The following SNTB1 variants were observed in gnomAD, a reference collection of about 807,000 sequenced individuals.
SNTB1 encodes syntrophin beta 1, also known as beta-1-syntrophin.
SNTB1 carries 36 observed loss-of-function variants against 48.9 expected under a neutral mutation model. The ratio of observed to expected loss-of-function variants is 0.74; its 90% CI spans 0.56 to 0.97. The LOEUF is 0.97. SNTB1 is among the 50% of genes least tolerant of loss of function. The pLI is 0.00. For synonymous variants in SNTB1, 299 were observed against 294.6 expected (o/e 1.01, Z -0.15); for missense variants, 786 against 703.4 (o/e 1.12, Z -1.33).
At chr8:120,811,153 C>T in intron 1 of SNTB1, 120 bp downstream of exon 1, 24 of 1,343,084 alleles carry the variant, frequency 1.8e-5, no homozygotes, top group Non-Finnish European at 2.3e-5. Context: ...AACACACACA[C>T]ACCCGGCCCC....
rs1353032844 is a variant in SNTB1 at position 120,636,886 on chromosome 8, T to C, written c.789-4235A>G. 1.2e-5 allele frequency: 3 copies of C among 245,820 alleles called. No individual in the cohort carries two copies. The East Asian group carries it at 3.1e-4, about 25-fold the overall frequency. 15.2% of individuals were successfully genotyped at this position (245,820 alleles called of 1,614,324 possible). A position where few individuals can be genotyped will look rare whatever the true frequency, so the allele number is the denominator to read the frequency against. On this transcript the variant is annotated intron_variant, in intron 2 of 6. Transcript: ENST00000517992. ...AGTGTAAAAGTAGAACTCAAGGCTT[T>C]TATAGAGACCCGAATTTCTGGTGAG...
chr8:120,683,739 G>C (rs1817978847), intron 2 of SNTB1, among the ~76,000 whole-genome samples: 1 of 152,140 alleles, frequency 6.6e-6, no homozygotes, highest in Non-Finnish European at 1.5e-5. Flanking sequence ...AATAATCTCT[G>C]CTTGACAGCT....
chr8:120,788,987 T>G (rs1483234386), intron 1 of SNTB1, among the ~76,000 whole-genome samples: 5 of 152,046 alleles, frequency 3.3e-5, no homozygotes, highest in Admixed American at 2.0e-4. Context: ...GACTATATGA[T>G]AGGCCACAAA....
intron 2 of SNTB1, among the ~76,000 whole-genome samples, chr8:120,691,264 A>G (rs565671174): frequency 2.8e-4 from 42 of 152,222 alleles, no homozygotes; most frequent in Non-Finnish European, 4.9e-4. Flanking sequence ...TGCTCCTACA[A>G]TGTCTCAGTA....
At chr8:120,749,676 G>T (rs1350018016) in intron 1 of SNTB1, among the ~76,000 whole-genome samples, 2 of 152,098 alleles carry the variant, frequency 1.3e-5, no homozygotes, top group Non-Finnish European at 2.9e-5. Flanking sequence ...AACTGAAACA[G>T]ACTCAGGGGA....
At chr8:120,649,805 T>C (rs1161604884) in intron 2 of SNTB1, among the ~76,000 whole-genome samples, 7 of 152,148 alleles carry the variant, frequency 4.6e-5, no homozygotes, top group Admixed American at 2.0e-4. Flanking sequence ...ACTGCTGTGC[T>C]AGCAATCAGC....
chr8:120,604,120 G>T (rs1392585382), intron 3 of SNTB1, among the ~76,000 whole-genome samples: 1 of 152,186 alleles, frequency 6.6e-6, no homozygotes, highest in Non-Finnish European at 1.5e-5. Context: ...GTAAGTTGAG[G>T]ATGCCAAGGT....
intron 3 of SNTB1, among the ~76,000 whole-genome samples, chr8:120,611,022 T>C (rs989372822): frequency 9.2e-5 from 14 of 152,160 alleles, no homozygotes; most frequent in African/African-American, 3.1e-4. Context: ...TCTTCTGTAA[T>C]TGCTTCCTGC....
At position 120,587,247 on chromosome 8, in the gene SNTB1, A is replaced by G. The variant is rs928762171; in HGVS notation, c.997-12022T>C. Among the ~76,000 whole-genome samples, 80 of 152,252 alleles carry G rather than the reference A, an allele frequency of 5.3e-4. 1 individual carries two copies. Among genetic ancestry groups the G allele is most frequent in the South Asian group, 2.7e-3 (13 of 4,818 alleles). ...AAAACAAAACAAAACAAAACAGACA[A>G]ACAAACAAAAAAACCCAACAACAAC... On this transcript the variant is annotated intron_variant, in intron 3 of 6. Transcript: ENST00000517992.
At chr8:120,762,118 C>A (rs905712948) in intron 1 of SNTB1, among the ~76,000 whole-genome samples, 1 of 152,156 alleles carries the variant, frequency 6.6e-6, no homozygotes, top group Non-Finnish European at 1.5e-5. Context: ...TTCCAGAGGA[C>A]TGAATTTGAT....
chr8:120,564,117 A>C (rs1040109387), intron 4 of SNTB1, among the ~76,000 whole-genome samples: 26 of 151,966 alleles, frequency 1.7e-4, no homozygotes, highest in African/African-American at 2.9e-4. Context: ...TCAAACAAAA[A>C]AAAAAAAAAA....
At chr8:120,805,248 C>T (rs1820313953) in intron 1 of SNTB1, among the ~76,000 whole-genome samples, 1 of 151,974 alleles carries the variant, frequency 6.6e-6, no homozygotes, top group African/African-American at 2.4e-5. Flanking sequence ...CAAACACACC[C>T]ACGTCCTGGT....
At chr8:120,561,236 C>T (rs946262860) in intron 4 of SNTB1, among the ~76,000 whole-genome samples, 1 of 143,948 alleles carries the variant, frequency 6.9e-6, no homozygotes, top group Non-Finnish European at 1.5e-5. Flanking sequence ...CTGAGGATCG[C>T]TTGAACCCAG....
intron 3 of SNTB1, among the ~76,000 whole-genome samples, chr8:120,620,490 G>A (rs981315332): frequency 6.6e-6 from 1 of 152,036 alleles, no homozygotes; most frequent in African/African-American, 2.4e-5. Context: ...GTACTTCACT[G>A]CCCTTCCCTG....
intron 1 of SNTB1, among the ~76,000 whole-genome samples, chr8:120,736,865 G>A (rs1207068338): frequency 6.6e-6 from 1 of 152,144 alleles, no homozygotes; most frequent in African/African-American, 2.4e-5. Flanking sequence ...CCTGGGGGAG[G>A]TATTCAACAT....
intron 1 of SNTB1, among the ~76,000 whole-genome samples, chr8:120,725,069 C>T (rs1367236571): frequency 6.6e-6 from 1 of 152,180 alleles, no homozygotes. Flanking sequence ...CTCAGCTCCT[C>T]TGCTTCAGAA....
At chr8:120,705,410 A>G (rs1179967577) in intron 1 of SNTB1, among the ~76,000 whole-genome samples, 1 of 152,228 alleles carries the variant, frequency 6.6e-6, no homozygotes, top group Non-Finnish European at 1.5e-5. Context: ...AAAACAATGT[A>G]CAGGACTTAA....
chr8:120,684,088 G>T (rs766075215), intron 2 of SNTB1, among the ~76,000 whole-genome samples: 4 of 152,120 alleles, frequency 2.6e-5, no homozygotes, highest in Non-Finnish European at 4.4e-5. Context: ...AGCAGATTTG[G>T]TGTCTGGTTA....
At chr8:120,808,786 C>T (rs189234972) in intron 1 of SNTB1, among the ~76,000 whole-genome samples, 1 of 152,276 alleles carries the variant, frequency 6.6e-6, no homozygotes, top group East Asian at 1.9e-4. Context: ...GAGGTAGTAA[C>T]TCTCCACCAG....
Sources: allele counts gnomAD v4.1 joint callset (sites outside exome capture counted in the v4.1 genomes callset), GRCh38; gene constraint gnomAD v4.1.1; transcripts MANE v1.5; gene names NCBI Gene and HGNC (gene_info 2026-07-23, HGNC 2026-07-21).